The following GNG4 variants were observed in gnomAD, a reference collection of about 807,000 sequenced individuals.
The protein encoded by GNG4 is guanine nucleotide-binding protein G(I)/G(S)/G(O) subunit gamma-4.
In GNG4, 4 loss-of-function variants were observed where a neutral mutation model predicts 5.8. The observed-to-expected ratio is 0.69, with a 90% CI of 0.34 to 1.57. The LOEUF (loss-of-function observed/expected upper bound fraction) is 1.57, where lower values mean the gene tolerates loss of function less well. GNG4 is among the 40% of genes most tolerant of loss of function. The pLI, the probability that GNG4 is intolerant of heterozygous loss-of-function variation, is 0.06. For synonymous variants in GNG4, 29 were observed against 32.9 expected (o/e 0.88, Z 0.41); for missense variants, 96 against 95.1 (o/e 1.01, Z -0.04).
intron 1 of GNG4, among the ~76,000 whole-genome samples, chr1:235,630,224 C>T (rs1341924860): frequency 1.3e-5 from 2 of 152,140 alleles, no homozygotes; most frequent in African/African-American, 4.8e-5. Context: ...ATACACTAAA[C>T]GCACACTCAC....
At chr1:235,592,103 C>CT (rs1239299508) in intron 2 of GNG4, among the ~76,000 whole-genome samples, 3 of 152,196 alleles carry the variant, frequency 2.0e-5, no homozygotes, top group Non-Finnish European at 2.9e-5. Context: ...ACATATGTCT[C>CT]TGAGTTGTTT....
intron 2 of GNG4, among the ~76,000 whole-genome samples, chr1:235,586,136 C>T (rs1687753121): frequency 6.6e-6 from 1 of 152,154 alleles, no homozygotes; most frequent in African/African-American, 2.4e-5. Flanking sequence ...GATCAGCCAC[C>T]CAAATCAGAG....
chr1:235,593,918 C>A (rs2774323), intron 2 of GNG4, among the ~76,000 whole-genome samples: 2 of 152,134 alleles, frequency 1.3e-5, no homozygotes, highest in African/African-American at 2.4e-5. Flanking sequence ...GCACAGCGTG[C>A]ATGGGGACCC....
chr1:235,625,885 C>T (rs773838601), intron 1 of GNG4, among the ~76,000 whole-genome samples: 2 of 152,180 alleles, frequency 1.3e-5, no homozygotes, highest in Non-Finnish European at 2.9e-5. Context: ...ATGAATAAAG[C>T]TGCTATAAAC....
chr1:235,560,225 T>C (rs1415055210), intron 3 of GNG4, among the ~76,000 whole-genome samples: 1 of 152,214 alleles, frequency 6.6e-6, no homozygotes, highest in Non-Finnish European at 1.5e-5. Flanking sequence ...TTGAAAGTGC[T>C]GTCTCCCAAA....
chr1:235,612,906 T>A (rs1302124100), intron 1 of GNG4, among the ~76,000 whole-genome samples: 2 of 152,166 alleles, frequency 1.3e-5, no homozygotes, highest in Non-Finnish European at 2.9e-5. Context: ...ATGGTCAGGT[T>A]GTGACAAGGG....
chr1:235,583,543 G>A (rs1294428141), intron 3 of GNG4, among the ~76,000 whole-genome samples, 197 bp downstream of exon 3: 1 of 152,222 alleles, frequency 6.6e-6, no homozygotes, highest in Non-Finnish European at 1.5e-5. Context: ...TGCACACTGT[G>A]TATTTTGCAT....
intron 1 of GNG4, among the ~76,000 whole-genome samples, chr1:235,640,610 CA>C (rs1571928116): frequency 6.6e-6 from 1 of 152,264 alleles, no homozygotes; most frequent in Admixed American, 6.5e-5. Flanking sequence ...AAGGCGAATA[CA>C]TAAGACAGTC....
intron 2 of GNG4, among the ~76,000 whole-genome samples, chr1:235,588,036 G>T (rs1448209804): frequency 1.3e-5 from 2 of 151,834 alleles, no homozygotes; most frequent in African/African-American, 4.8e-5. Flanking sequence ...TCAGGCCCCT[G>T]CAGCTGCGCC....
chr1:235,573,645 C>T (rs927459765), intron 3 of GNG4, among the ~76,000 whole-genome samples: 5 of 151,880 alleles, frequency 3.3e-5, no homozygotes, highest in South Asian at 4.2e-4. Context: ...GGTGTGGTGG[C>T]GGGCGCCTGT....
chr1:235,635,752 C>T (rs1041076611), intron 1 of GNG4, among the ~76,000 whole-genome samples: 19 of 152,200 alleles, frequency 1.2e-4, no homozygotes, highest in Non-Finnish European at 2.1e-4. Flanking sequence ...AGATACAACA[C>T]GACAAAGCTG....
In GNG4 at chr1:235,649,755, C is replaced by G. The variant is rs962673118; in HGVS notation, c.-216G>C. On this transcript the variant is annotated 5_prime_UTR_variant, in exon 1 of 4. Coordinates refer to ENST00000391854, the MANE Select transcript of GNG4 (RefSeq NM_001098722.2). This position sits in a 1 kb window ranked among gnomAD's most constrained non-coding sequence, Gnocchi z 5.7. ...CATCGCTCCGCATCGGGGCGCGGGC[C>G]GGGCTCGGGTGCAAACGCGCGCCTC... The G allele has an allele frequency of 6.6e-6, 1 of 150,888 alleles. No individual in the cohort carries two copies. The highest frequency in any genetic ancestry group is 1.5e-5 in the Non-Finnish European group (1 of 67,620). The allele number at this position is 150,888 out of a possible 1,614,324, so 9.3% of individuals were successfully genotyped here.
rs116319713 is a variant in GNG4 at position 235,611,173 on chromosome 1, T to C, written c.-122-15662A>G. Among the ~76,000 whole-genome samples, 1,171 of 145,878 alleles carry C rather than the reference T, an allele frequency of 8.0e-3. 6 individuals are homozygous for C. Among genetic ancestry groups the C allele is most frequent in the African/African-American group, 0.02 (802 of 40,216 alleles). On this transcript the variant is annotated intron_variant, in intron 1 of 3. Coordinates refer to ENST00000391854, the MANE Select transcript of GNG4 (RefSeq NM_001098722.2). ...GGGCAGAGATTCTCTCTCTCTCTCTTTTTTTTTTTTTTGAAACAGGGTTTC... is the reference window on the plus strand; with the variant it reads ...GGGCAGAGATTCTCTCTCTCTCTCTCTTTTTTTTTTTTGAAACAGGGTTTC...
intron 1 of GNG4, among the ~76,000 whole-genome samples, chr1:235,613,117 G>A (rs185937721): frequency 1.3e-5 from 2 of 148,238 alleles, no homozygotes; most frequent in Admixed American, 6.6e-5. Flanking sequence ...TTGGAGGGGT[G>A]GGGGGGTCAC....
chr1:235,588,131 G>A (rs942338553), intron 2 of GNG4, among the ~76,000 whole-genome samples: 4 of 151,998 alleles, frequency 2.6e-5, no homozygotes, highest in Admixed American at 1.3e-4. Flanking sequence ...AGAAGGGCTC[G>A]TTTTCCACAT....
At chr1:235,616,918 TTTTTTTTTC>T (rs572244665) in intron 1 of GNG4, among the ~76,000 whole-genome samples, 6,519 of 148,198 alleles carry the variant, frequency 0.044, 470 homozygotes, top group African/African-American at 0.15. Context: ...TTTTTTTTTT[TTTTTTTTTC>T]AGTAGAGATG....
intron 1 of GNG4, among the ~76,000 whole-genome samples, chr1:235,612,637 C>T (rs1688503597): frequency 6.6e-6 from 1 of 152,096 alleles, no homozygotes; most frequent in Non-Finnish European, 1.5e-5. Context: ...ATCCTCCTGC[C>T]CCAGCCTCCC....
intron 1 of GNG4, among the ~76,000 whole-genome samples, chr1:235,631,624 G>A (rs1226331086): frequency 6.6e-6 from 1 of 150,866 alleles, no homozygotes; most frequent in Non-Finnish European, 1.5e-5. Flanking sequence ...AGGCTAGAGT[G>A]CAGTGGTGCT....
rs1657444336 is a variant in GNG4 at position 235,644,461 on chromosome 1, C to A, written c.-123+5201G>T. ...GAGCAAGCCTGACGCTGTCTCTCAT[C>A]CTGGTAACACCTTCTTCCCCGCACA... On this transcript the variant is annotated intron_variant, in intron 1 of 3. Transcript: ENST00000391854. The surrounding 1 kb of genome is among the most constrained non-coding windows in gnomAD (Gnocchi z 5.9). 6.6e-6 allele frequency among the ~76,000 whole-genome samples: 1 copy of A among 152,248 alleles called. No individual in the cohort carries two copies. Among genetic ancestry groups the A allele is most frequent in the African/African-American group, 2.4e-5 (1 of 41,454 alleles).
Sources: gnomAD v4.1 joint callset for allele counts (sites outside exome capture counted in the v4.1 genomes callset) on GRCh38, gnomAD v4.1.1 for gene constraint, Gnocchi (gnomAD v3.1) non-coding constraint, MANE v1.5 for transcripts, NCBI Gene and HGNC (gene_info 2026-07-23, HGNC 2026-07-21) for gene names.